Variants in ZNF536 observed in about 807,000 individuals in gnomAD.
ZNF536 encodes zinc finger protein 536.
In ZNF536, 13 loss-of-function variants were observed where a neutral mutation model predicts 84.5. The ratio of observed to expected loss-of-function variants is 0.15; its 90% confidence interval spans 0.10 to 0.24. The LOEUF (loss-of-function observed/expected upper bound fraction) is 0.24, where lower values mean the gene tolerates loss of function less well. ZNF536 is among the 10% of genes least tolerant of loss of function. The pLI is 1.00. For synonymous variants in ZNF536, 811 were observed against 742.5 expected, an observed-to-expected ratio of 1.09 and a Z score of -1.50; for missense variants, 1,536 against 1,747.5, an observed-to-expected ratio of 0.88 and a Z score of 2.16.
chr19:30,377,126 G>T (rs535313123), intron 1 of ZNF536, among the ~76,000 whole-genome samples: 5 of 152,304 alleles, frequency 3.3e-5, no homozygotes, highest in African/African-American at 1.2e-4. Flanking sequence ...ATGTGAAGGA[G>T]AAAGAAAGGG....
chr19:30,348,442 C>T (rs781572158), intron 2 of ZNF536, among the ~76,000 whole-genome samples: 47 of 152,258 alleles, frequency 3.1e-4, no homozygotes, highest in South Asian at 8.3e-4. Context: ...ATGTCCCTTA[C>T]GTGCTGAGGT....
intron 2 of ZNF536, among the ~76,000 whole-genome samples, chr19:30,351,893 G>T (rs1225812310): frequency 6.6e-6 from 1 of 152,252 alleles, no homozygotes; most frequent in Admixed American, 6.5e-5. Flanking sequence ...GGTCTGGATT[G>T]CAAAGGGGAA....
intron 2 of ZNF536, among the ~76,000 whole-genome samples, chr19:30,324,046 A>C (rs2046942658): frequency 6.6e-6 from 1 of 150,986 alleles, no homozygotes; most frequent in Non-Finnish European, 1.5e-5. Context: ...TCCTCCATCC[A>C]TCTATCCATG....
chr19:30,263,712 G>A (rs75755169), intron 1 of ZNF536, among the ~76,000 whole-genome samples: 1 of 152,130 alleles, frequency 6.6e-6, no homozygotes, highest in Non-Finnish European at 1.5e-5. Context: ...AGTTGTGTGT[G>A]TGCACGCGTG....
At chr19:30,290,161 G>C (rs1012795702) in intron 2 of ZNF536, among the ~76,000 whole-genome samples, 2 of 152,118 alleles carry the variant, frequency 1.3e-5, no homozygotes, top group Non-Finnish European at 2.9e-5. Flanking sequence ...TTGTTTAGTC[G>C]AATGTCCTCA....
chr19:30,459,548 A>C (rs770176371), intron 2 of ZNF536, among the ~76,000 whole-genome samples: 2 of 151,700 alleles, frequency 1.3e-5, no homozygotes, highest in Non-Finnish European at 2.9e-5. Flanking sequence ...ACAGGGTTTC[A>C]CCATATTGGC....
At chr19:30,626,846 A>T (rs1203172210) in intron 1 of ZNF536, among the ~76,000 whole-genome samples, 1 of 152,008 alleles carries the variant, frequency 6.6e-6, no homozygotes, top group African/African-American at 2.4e-5. Flanking sequence ...CACGGCCCCC[A>T]CCCCGGCCAC....
At chr19:30,240,410 C>T (rs2023859420) in intron 1 of ZNF536, among the ~76,000 whole-genome samples, 1 of 151,858 alleles carries the variant, frequency 6.6e-6, no homozygotes, top group Non-Finnish European at 1.5e-5. Context: ...CTTTGCTGGG[C>T]CAGTTTCTGG....
chr19:30,479,731 C>T (rs1369543868), intron 2 of ZNF536, among the ~76,000 whole-genome samples: 2 of 152,210 alleles, frequency 1.3e-5, no homozygotes, highest in Admixed American at 6.5e-5. Flanking sequence ...GGACATGTGC[C>T]CTGCCACATC....
At chr19:30,395,569 G>A (rs181445309) in intron 1 of ZNF536, among the ~76,000 whole-genome samples, 117 of 152,282 alleles carry the variant, frequency 7.7e-4, no homozygotes, top group African/African-American at 2.6e-3. Flanking sequence ...CATATGTTGC[G>A]CCTAAATGTC....
At chr19:30,392,210 C>T (rs1221619494) in intron 1 of ZNF536, among the ~76,000 whole-genome samples, 1 of 152,032 alleles carries the variant, frequency 6.6e-6, no homozygotes, top group Non-Finnish European at 1.5e-5. Flanking sequence ...TAGGGGAGGC[C>T]CAGCGCTCTC....
chr19:30,543,702 G>A (rs377118998), intron 3 of ZNF536, among the ~76,000 whole-genome samples: 6 of 152,284 alleles, frequency 3.9e-5, no homozygotes, highest in East Asian at 3.9e-4. Context: ...ACCGCACCCC[G>A]GAGCCTGTGA....
chr19:30,233,819 T>A (rs2023263830), intron 1 of ZNF536, among the ~76,000 whole-genome samples: 1 of 152,198 alleles, frequency 6.6e-6, no homozygotes, highest in Non-Finnish European at 1.5e-5. Flanking sequence ...GGAGTTGGCA[T>A]GCTTAGCTCA....
chr19:30,686,665 A>C (rs2051197307), intron 1 of ZNF536, among the ~76,000 whole-genome samples: 1 of 152,062 alleles, frequency 6.6e-6, no homozygotes, highest in South Asian at 2.1e-4. Flanking sequence ...GCGGGCTGTC[A>C]GGTATCTGCG....
intron 2 of ZNF536, among the ~76,000 whole-genome samples, chr19:30,489,818 A>T (rs893211934): frequency 6.6e-6 from 1 of 152,244 alleles, no homozygotes; most frequent in African/African-American, 2.4e-5. Flanking sequence ...CATATGTTCC[A>T]GATTTCTGCA....
At chr19:30,483,390 G>C (rs957474116) in intron 2 of ZNF536, among the ~76,000 whole-genome samples, 5 of 152,048 alleles carry the variant, frequency 3.3e-5, no homozygotes, top group Admixed American at 2.6e-4. Flanking sequence ...GTGTCCCATT[G>C]GCACCTCAAA....
chr19:30,340,613 G>C (rs1367021439), intron 2 of ZNF536, among the ~76,000 whole-genome samples: 1 of 152,208 alleles, frequency 6.6e-6, no homozygotes, highest in Non-Finnish European at 1.5e-5. Context: ...TCAGGGCTCA[G>C]AGCAGAGGAG....
chr19:30,332,278 C>A (rs2047236420), intron 2 of ZNF536, among the ~76,000 whole-genome samples: 1 of 152,218 alleles, frequency 6.6e-6, no homozygotes, highest in Non-Finnish European at 1.5e-5. Flanking sequence ...TGCCACTTTT[C>A]TGGCCCTTGT....
intron 2 of ZNF536, among the ~76,000 whole-genome samples, chr19:30,305,712 G>C (rs997510720): frequency 1.3e-5 from 2 of 152,200 alleles, no homozygotes; most frequent in Non-Finnish European, 2.9e-5. Flanking sequence ...GGGTTTGGGA[G>C]CCCACTGTTC....
Sources: gnomAD v4.1 joint callset for allele counts (sites outside exome capture counted in the v4.1 genomes callset) on GRCh38, gnomAD v4.1.1 for gene constraint, MANE v1.5 for transcripts, NCBI Gene and HGNC (gene_info 2026-07-23, HGNC 2026-07-21) for gene names.